NFIB: variants seen among roughly 807,000 people sequenced by gnomAD.
NFIB encodes nuclear factor I B.
NFIB carries 11 observed loss-of-function variants against 61.5 expected under a neutral mutation model. The observed-to-expected ratio is 0.18, with a 90% confidence interval of 0.11 to 0.30. NFIB has a LOEUF of 0.30. NFIB is among the 10% of genes least tolerant of loss of function. The pLI, the probability that NFIB is intolerant of heterozygous loss-of-function variation, is 1.00. For synonymous variants in NFIB, 260 were observed against 216.5 expected, an observed-to-expected ratio of 1.20 and a Z score of -1.76; for missense variants, 471 against 608.9, an observed-to-expected ratio of 0.77 and a Z score of 2.38.
Position 14,350,082 on chromosome 9 carries a change from C to A in NFIB, c.109-42562G>T, listed in dbSNP as rs1221651888. Among the ~76,000 whole-genome samples, 4 of 152,292 alleles carry A rather than the reference C, an allele frequency of 2.6e-5. No individual in the cohort carries two copies. In the South Asian group the frequency reaches 8.3e-4, roughly 32 times the overall value. Reference sequence around the variant, plus strand: ...TTTCCCCAGGAGGGTCGTTTGGCGGCCCCGGGGACCCTCCTGGGCCTGGGA... The same window carrying A: ...TTTCCCCAGGAGGGTCGTTTGGCGGACCCGGGGACCCTCCTGGGCCTGGGA... On this transcript the variant is annotated intron_variant, in intron 1 of 8. Transcript: ENST00000380934.
chr9:14,493,699 T>C, the NFIB span, among the ~76,000 whole-genome samples: 10 of 152,302 alleles, frequency 6.6e-5, no homozygotes, highest in African/African-American at 2.2e-4. Flanking sequence ...CATGGCTAAA[T>C]GGACCTTTCC....
rs34910775 is a variant in NFIB, at chr9:14,326,698, GAAAAAA to G, written c.109-19184_109-19179del. Among the ~76,000 whole-genome samples the G allele has an allele frequency of 8.0e-4, 101 of 125,474 alleles. 3 individuals carry two copies. In the East Asian group the frequency reaches 0.015, roughly 19 times the overall value. The allele number at this position is 125,474 out of a possible 152,430, so 82.3% of individuals were successfully genotyped here. ...CAAGAGCAGGTTAAAGTGGTTTACA[GAAAAAA>G]AAAAAAAAAAAAGCCTGCAGTTATG... On this transcript the variant is annotated intron_variant, in intron 1 of 8. Transcript: ENST00000380934.
intron 6 of NFIB, among the ~76,000 whole-genome samples, chr9:14,139,864 T>C (rs540646927): frequency 6.6e-6 from 1 of 152,332 alleles, no homozygotes; most frequent in African/African-American, 2.4e-5. Context: ...AGCAGTGTAG[T>C]TGAAGAGGCA....
At chr9:14,494,159 T>C in the NFIB span, among the ~76,000 whole-genome samples, 1 of 152,202 alleles carries the variant, frequency 6.6e-6, no homozygotes, top group African/African-American at 2.4e-5. Flanking sequence ...ATTAGGCAAG[T>C]GGTATTTGTC....
intron 1 of NFIB, among the ~76,000 whole-genome samples, chr9:14,369,352 G>A (rs757905569): frequency 6.6e-6 from 1 of 152,030 alleles, no homozygotes; most frequent in African/African-American, 2.4e-5. Flanking sequence ...AATTATCATC[G>A]GGTTAGGCTT....
the NFIB span, among the ~76,000 whole-genome samples, chr9:14,454,840 G>A: frequency 3.9e-5 from 6 of 152,188 alleles, no homozygotes; most frequent in Non-Finnish European, 8.8e-5. Flanking sequence ...ATTCTGAGCA[G>A]AAGCTTTAAA....
At chr9:14,223,385 C>G (rs1350739041) in intron 2 of NFIB, among the ~76,000 whole-genome samples, 1 of 152,204 alleles carries the variant, frequency 6.6e-6, no homozygotes, top group Non-Finnish European at 1.5e-5. Flanking sequence ...AACTTCTCCA[C>G]TGCATTGCTT....
At chr9:14,174,830 TCTTTGA>T (rs568812697) in intron 3 of NFIB, among the ~76,000 whole-genome samples, 23 of 152,052 alleles carry the variant, frequency 1.5e-4, no homozygotes, top group South Asian at 6.2e-4. Flanking sequence ...ATTTCTCTTT[TCTTTGA>T]CTTTGACTTT....
chr9:14,525,940 G>A, the NFIB span, among the ~76,000 whole-genome samples: 1 of 152,076 alleles, frequency 6.6e-6, no homozygotes, highest in South Asian at 2.1e-4. Context: ...TTGGATATGT[G>A]TCGTGGACCT....
the NFIB span, among the ~76,000 whole-genome samples, chr9:14,421,929 T>C: frequency 6.6e-6 from 1 of 152,232 alleles, no homozygotes; most frequent in African/African-American, 2.4e-5. Context: ...CTACTTTTTT[T>C]TTCCTTGAGG....
chr9:14,359,441 G>T (rs2061213424), intron 1 of NFIB, among the ~76,000 whole-genome samples: 1 of 152,192 alleles, frequency 6.6e-6, no homozygotes, highest in South Asian at 2.1e-4. Flanking sequence ...TTGCAGTGAT[G>T]TGGCCGGAAA....
intron 2 of NFIB, among the ~76,000 whole-genome samples, chr9:14,253,852 C>T (rs988991366): frequency 6.6e-6 from 1 of 151,988 alleles, no homozygotes; most frequent in Non-Finnish European, 1.5e-5. Context: ...TTATTTTTTT[C>T]ACGTGGCCTC....
chr9:14,417,220 T>C, the NFIB span, among the ~76,000 whole-genome samples: 2 of 152,176 alleles, frequency 1.3e-5, no homozygotes, highest in Non-Finnish European at 2.9e-5. Context: ...TTTTTTACTG[T>C]ACCTTTTCTG....
intron 1 of NFIB, among the ~76,000 whole-genome samples, chr9:14,375,573 G>A (rs149650285): frequency 2.2e-3 from 327 of 152,054 alleles, no homozygotes; most frequent in African/African-American, 7.1e-3. Flanking sequence ...CAGAAGAATC[G>A]CTTGAAACCG....
intron 2 of NFIB, among the ~76,000 whole-genome samples, chr9:14,192,506 T>G (rs2048056363): frequency 6.6e-6 from 1 of 152,140 alleles, no homozygotes; most frequent in South Asian, 2.1e-4. Flanking sequence ...AAACCACCTT[T>G]CCCAGCTCCA....
intron 9 of NFIB, among the ~76,000 whole-genome samples, chr9:14,113,408 G>A (rs538634050): frequency 3.3e-5 from 5 of 152,240 alleles, no homozygotes; most frequent in South Asian, 4.1e-4. Flanking sequence ...GTTCCTAGAC[G>A]TACTTTTTCA....
intron 1 of NFIB, chr9:14,361,457 C>T (rs190186628): frequency 2.0e-5 from 3 of 152,204 alleles, no homozygotes; most frequent in African/African-American, 7.2e-5. Context: ...CATTACTGAT[C>T]AAAAAGAGAA....
intron 3 of NFIB, among the ~76,000 whole-genome samples, chr9:14,172,872 C>T (rs10481501): frequency 0.016 from 2,415 of 152,126 alleles, 22 homozygotes; most frequent in South Asian, 0.027. Flanking sequence ...CAGGTTCAAG[C>T]GATTCTCCTG....
At chr9:14,391,577 TTC>T (rs1588414270) in intron 1 of NFIB, among the ~76,000 whole-genome samples, 1 of 134,286 alleles carries the variant, frequency 7.4e-6, no homozygotes, top group Admixed American at 7.3e-5. Context: ...AATATGACTT[TTC>T]TCCAGGAACC....
Sources: gnomAD v4.1 joint callset for allele counts (sites outside exome capture counted in the v4.1 genomes callset) on GRCh38, gnomAD v4.1.1 for gene constraint, MANE v1.5 for transcripts, NCBI Gene and HGNC (gene_info 2026-07-23, HGNC 2026-07-21) for gene names.